The following PNPT1 variants were observed in gnomAD, a reference collection of about 807,000 sequenced individuals.
The protein encoded by PNPT1 is polyribonucleotide nucleotidyltransferase 1, mitochondrial.
Under a neutral mutation model 119.5 loss-of-function variants are expected in PNPT1, and 53 were observed. The ratio of observed to expected loss-of-function variants is 0.44; its 90% confidence interval spans 0.36 to 0.56. The LOEUF (loss-of-function observed/expected upper bound fraction) is 0.56. Ranked by LOEUF, PNPT1 falls within the 20% of genes least tolerant of loss-of-function variation. The pLI is 0.00. For missense variants in PNPT1, 948 were observed against 938.5 expected, an observed-to-expected ratio of 1.01 and a Z score of -0.13; for synonymous variants, 357 against 322.1, an observed-to-expected ratio of 1.11 and a Z score of -1.16.
chr2:55,686,457 G>A lies in PNPT1; in HGVS notation c.223-13C>T, dbSNP rs200156764. On this transcript the variant is annotated splice_polypyrimidine_tract_variant and intron_variant, in intron 2 of 27. Coordinates refer to ENST00000447944, the MANE Select transcript of PNPT1 (RefSeq NM_033109.5). ...CAGTGTCACCTGACTTAAACATAAA[G>A]AACAACGCTGGTAAGTTCCTTTGAA... The A allele has an allele frequency of 2.8e-4, 454 of 1,606,518 alleles. 1 individual carries two copies. Among genetic ancestry groups the A allele is most frequent in the Non-Finnish European group, 3.6e-4 (428 of 1,174,296 alleles).
rs1381277655 is a variant in PNPT1, at chr2:55,672,637, A to G, written c.866+256T>C. 2.0e-5 allele frequency among the ~76,000 whole-genome samples: 3 copies of G among 152,204 alleles called. No homozygotes were observed. In the East Asian group the frequency reaches 5.8e-4, roughly 29 times the overall value. ...GTTTTATTCTTTTTCCTAGACGTGGAGAGATGTGGTGCTTACCTGAATCTT... is the reference window on the plus strand; with the variant it reads ...GTTTTATTCTTTTTCCTAGACGTGGGGAGATGTGGTGCTTACCTGAATCTT... On this transcript the variant is annotated intron_variant, in intron 9 of 27. Coordinates refer to ENST00000447944, the MANE Select transcript of PNPT1 (RefSeq NM_033109.5).
At chr2:55,682,686 T>C (rs1168500036) in intron 5 of PNPT1, among the ~76,000 whole-genome samples, 1 of 152,100 alleles carries the variant, frequency 6.6e-6, no homozygotes, top group Non-Finnish European at 1.5e-5. Context: ...GGCAGGAGGA[T>C]CGCTTGAGAG....
At chr2:55,655,095 G>C in intron 17 of PNPT1, 142 bp from the exon 18 acceptor site, 5 of 772,794 alleles carry the variant, frequency 6.5e-6, no homozygotes, top group Non-Finnish European at 1.0e-5. Flanking sequence ...ACTAAGGCAA[G>C]GTCTTTTAAG....
chr2:55,642,204 G>T (rs960287024), intron 25 of PNPT1, among the ~76,000 whole-genome samples: 51 of 149,636 alleles, frequency 3.4e-4, no homozygotes, highest in Middle Eastern at 3.4e-3. Context: ...GCCATCAAAA[G>T]AAAAAAAAAG....
At chr2:55,643,919 A>C (rs1013535265) in intron 23 of PNPT1, among the ~76,000 whole-genome samples, 6 of 152,192 alleles carry the variant, frequency 3.9e-5, no homozygotes, top group Non-Finnish European at 5.9e-5. Context: ...ACCTGGCATT[A>C]TACTAGGTAG....
At chr2:55,672,172 T>G (rs529252209) in intron 9 of PNPT1, 126 bp from the exon 10 acceptor site, 4 of 704,412 alleles carry the variant, frequency 5.7e-6, no homozygotes, top group African/African-American at 5.6e-5. Flanking sequence ...TCAGAAAGAA[T>G]TGAAAATTTA....
At chr2:55,649,962 A>G (rs1396418150) in intron 18 of PNPT1, among the ~76,000 whole-genome samples, 1 of 152,202 alleles carries the variant, frequency 6.6e-6, no homozygotes, top group Non-Finnish European at 1.5e-5. Context: ...GCTGGCTTTA[A>G]GTCCAAACTC....
Position 55,667,952 on chromosome 2 carries a change from A to T in PNPT1, c.983T>A (p.Phe328Tyr). 6.3e-7 allele frequency: 1 copy of T among 1,577,912 alleles called. No individual in the cohort carries two copies. The highest frequency in any genetic ancestry group is 8.5e-7 in the Non-Finnish European group (1 of 1,170,946). ...LDTEEQLKEK[F>Y]PEADPYEIIE... ...TATTTCATATGGATCGGCTTCTGGAAATTTTTCTATAGAAAAAAGACAAAC... is the reference window on the plus strand; with the variant it reads ...TATTTCATATGGATCGGCTTCTGGATATTTTTCTATAGAAAAAAGACAAAC... Residue 328 changes from phenylalanine to tyrosine, a missense_variant, in exon 12 of 28, where the codon TTT becomes TAT. Coordinates refer to ENST00000447944, the MANE Select transcript of PNPT1 (RefSeq NM_033109.5).
intron 7 of PNPT1, 66 bp downstream of exon 7, chr2:55,680,646 T>C (rs1450467670): frequency 3.5e-6 from 5 of 1,413,330 alleles, no homozygotes; most frequent in Non-Finnish European, 4.9e-6. Context: ...TGCTGTAACA[T>C]GGTCACTACT....
chr2:55,680,368 G>C (rs1697206439), intron 7 of PNPT1, among the ~76,000 whole-genome samples: 1 of 148,862 alleles, frequency 6.7e-6, no homozygotes. Flanking sequence ...ACTTATAACA[G>C]CCGTAAGTTA....
In PNPT1 at chr2:55,648,361, G is replaced by A. The variant is rs185710514; in HGVS notation, c.1496-908C>T. Among the ~76,000 whole-genome samples the A allele has an allele frequency of 1.1e-3, 161 of 152,280 alleles. No homozygotes were observed. The Middle Eastern group carries it at 0.014, about 13-fold the overall frequency. On this transcript the variant is annotated intron_variant, in intron 18 of 27. Coordinates refer to ENST00000447944, the MANE Select transcript of PNPT1 (RefSeq NM_033109.5). ...CTGTATGTTTTACAAGTCACACACA[G>A]AAGTGCGATTGCTGAGTCAAAAGGT...
At chr2:55,682,922 C>CA (rs1256977415) in intron 5 of PNPT1, among the ~76,000 whole-genome samples, 1 of 151,548 alleles carries the variant, frequency 6.6e-6, no homozygotes, top group African/African-American at 2.4e-5. Flanking sequence ...AAACAAGACA[C>CA]AAAAAAAACT....
intron 21 of PNPT1, among the ~76,000 whole-genome samples, chr2:55,645,837 T>TTTTTTTTGAGTA (rs1559088584): frequency 4.1e-5 from 2 of 48,714 alleles, no homozygotes; most frequent in Middle Eastern, 0.011. Context: ...ACTTAGTACT[T>TTTTTTTTGAGTA]CTTTTTTTTT....
intron 1 of PNPT1, among the ~76,000 whole-genome samples, chr2:55,691,100 A>T (rs1262221198): frequency 1.3e-5 from 2 of 152,206 alleles, no homozygotes; most frequent in African/African-American, 4.8e-5. Context: ...GGAGTGGAGG[A>T]TCTTTAACTA....
intron 23 of PNPT1, 143 bp from the exon 24 acceptor site, chr2:55,643,568 G>C: frequency 1.5e-6 from 1 of 673,502 alleles, no homozygotes; most frequent in Non-Finnish European, 2.6e-6. Context: ...AACATAGGGA[G>C]AGCCTGTTAC....
chr2:55,692,297 T>C (rs1482962935), intron 1 of PNPT1, among the ~76,000 whole-genome samples: 1 of 152,192 alleles, frequency 6.6e-6, no homozygotes, highest in Non-Finnish European at 1.5e-5. Flanking sequence ...AGACCCTTGA[T>C]GGAATCCACT....
At chr2:55,649,004 G>A (rs1331438267) in intron 18 of PNPT1, among the ~76,000 whole-genome samples, 3 of 152,020 alleles carry the variant, frequency 2.0e-5, no homozygotes, top group Non-Finnish European at 4.4e-5. Flanking sequence ...CTATACTTAC[G>A]ATTTTAACCA....
intron 11 of PNPT1, among the ~76,000 whole-genome samples, chr2:55,669,961 A>G (rs1373235738): frequency 6.6e-6 from 1 of 151,704 alleles, no homozygotes; most frequent in East Asian, 1.9e-4. Context: ...GTTTCACCAT[A>G]TTGGCCAGGC....
chr2:55,647,544 G>A, intron 18 of PNPT1, 91 bp from the exon 19 acceptor site: 1 of 884,840 alleles, frequency 1.1e-6, no homozygotes, highest in Non-Finnish European at 1.7e-6. Context: ...TTTTGAGAGG[G>A]AGTCTCGGTC....
Sources: gnomAD v4.1 joint callset for allele counts (sites outside exome capture counted in the v4.1 genomes callset) on GRCh38, gnomAD v4.1.1 for gene constraint, MANE v1.5 for transcripts, NCBI Gene and HGNC (gene_info 2026-07-23, HGNC 2026-07-21) for gene names.